The following MTUS2 variants were observed in gnomAD, a reference collection of about 807,000 sequenced individuals.
The protein encoded by MTUS2 is microtubule associated scaffold protein 2, also known as microtubule-associated tumor suppressor candidate 2.
A neutral mutation model predicts 114.1 loss-of-function variants in MTUS2; 40 were observed. The ratio of observed to expected loss-of-function variants is 0.35; its 90% CI spans 0.27 to 0.46. The LOEUF (loss-of-function observed/expected upper bound fraction) is 0.46. MTUS2 is among the 20% of genes least tolerant of loss of function. The pLI is 1.00. For missense variants in MTUS2, 1,679 were observed against 1,705.4 expected (o/e 0.98, Z 0.27); for synonymous variants, 688 against 672.0 (o/e 1.02, Z -0.37).
At chr13:29,299,049 A>C (rs1899075313) in intron 6 of MTUS2, among the ~76,000 whole-genome samples, 1 of 152,224 alleles carries the variant, frequency 6.6e-6, no homozygotes, top group African/African-American at 2.4e-5. Context: ...AGTTTGTAGG[A>C]GAATAGAAGC....
chr13:29,348,213 G>T (rs1408780388), intron 7 of MTUS2, among the ~76,000 whole-genome samples: 3 of 151,966 alleles, frequency 2.0e-5, no homozygotes, highest in Non-Finnish European at 2.9e-5. Flanking sequence ...AACTATCCAG[G>T]AGCCACCAAG....
chr13:29,041,236 T>C (rs548339057), intron 4 of MTUS2, among the ~76,000 whole-genome samples: 38 of 152,332 alleles, frequency 2.5e-4, no homozygotes, highest in Admixed American at 2.0e-3. Flanking sequence ...TTGTTTGCGT[T>C]ATTAAAGATC....
chr13:28,908,483 A>T (rs545433480), intron 2 of MTUS2, among the ~76,000 whole-genome samples: 3 of 151,570 alleles, frequency 2.0e-5, no homozygotes, highest in South Asian at 4.2e-4. Flanking sequence ...ATCATTTTTT[A>T]TGGCTGCATA....
At chr13:28,904,036 CT>C (rs1566211094) in intron 2 of MTUS2, among the ~76,000 whole-genome samples, 3 of 151,698 alleles carry the variant, frequency 2.0e-5, no homozygotes, top group African/African-American at 7.3e-5. Context: ...TTTTTCATGT[CT>C]TTTGGCTGCA....
intron 2 of MTUS2, among the ~76,000 whole-genome samples, chr13:28,968,046 T>C (rs966768397): frequency 1.3e-5 from 2 of 152,242 alleles, no homozygotes; most frequent in African/African-American, 2.4e-5. Flanking sequence ...TTCAGAGATA[T>C]ACCTGCTAAC....
rs749268070 is a variant in MTUS2 at position 29,034,064 on chromosome 13, C to T, written c.2385C>T (p.Ser795=). 1.8e-5 allele frequency: 29 copies of T among 1,613,834 alleles called. No homozygotes were observed. The highest frequency in any genetic ancestry group is 8.3e-5 in the Admixed American group (5 of 59,994). The stretch of plus-strand genomic sequence containing the variant: ...TTGCAAGTCAGAGGTCTTCAGCGAG[C>T]GCCATCCACCCACCAGGACCCATAA... ...ILIASQRSSA[S]AIHPPGPITT... is the part of the protein sequence containing the mutation. The change falls in exon 4 of 16, where the codon AGC becomes AGT. Residue 795 remains serine, a synonymous_variant. Transcript: ENST00000612955.
chr13:29,423,730 A>C (rs1240863573), intron 8 of MTUS2, among the ~76,000 whole-genome samples: 2 of 152,234 alleles, frequency 1.3e-5, no homozygotes, highest in Non-Finnish European at 2.9e-5. Flanking sequence ...AAAGATGATT[A>C]GGCATTTATC....
At chr13:28,877,546 T>C (rs897868708) in intron 2 of MTUS2, among the ~76,000 whole-genome samples, 3 of 152,162 alleles carry the variant, frequency 2.0e-5, no homozygotes, top group Non-Finnish European at 4.4e-5. Flanking sequence ...GAGAATGTCA[T>C]ATTATAGTCA....
At chr13:28,846,855 C>T (rs1875919022) in intron 2 of MTUS2, among the ~76,000 whole-genome samples, 1 of 152,188 alleles carries the variant, frequency 6.6e-6, no homozygotes, top group South Asian at 2.1e-4. Context: ...CATCCCTGTA[C>T]CTTGTATTAT....
intron 8 of MTUS2, among the ~76,000 whole-genome samples, chr13:29,365,510 T>TTTTGTGTGTGTGTGTGTGTGTGTG (rs1555269728): frequency 1.2e-4 from 18 of 146,942 alleles, no homozygotes; most frequent in African/African-American, 4.3e-4. Context: ...TTGTTTGGGT[T>TTTTGTGTGTGTGTGTGTGTGTGTG]TGTGTGTGTG....
At chr13:29,389,397 ATATATGTATACACGTGTGTG>A (rs1872962238) in intron 8 of MTUS2, among the ~76,000 whole-genome samples, 1 of 22,514 alleles carries the variant, frequency 4.4e-5, no homozygotes, top group African/African-American at 1.4e-4. Context: ...ACGTGTGTGT[ATATATGTATACACGTGTGTG>A]TGTATGTATA....
At chr13:29,345,696 A>T (rs4769726) in intron 7 of MTUS2, among the ~76,000 whole-genome samples, 1 of 151,816 alleles carries the variant, frequency 6.6e-6, no homozygotes, top group Admixed American at 6.6e-5. Flanking sequence ...TGCTAGTGAG[A>T]TAGTGTGATC....
At chr13:29,121,952 A>G (rs1307973391) in intron 5 of MTUS2, among the ~76,000 whole-genome samples, 2 of 151,854 alleles carry the variant, frequency 1.3e-5, no homozygotes, top group Non-Finnish European at 2.9e-5. Flanking sequence ...GAGCCACCAC[A>G]CCCGGCCCAC....
At chr13:29,433,745 T>C (rs925020397) in intron 8 of MTUS2, among the ~76,000 whole-genome samples, 4 of 152,228 alleles carry the variant, frequency 2.6e-5, no homozygotes, top group African/African-American at 7.2e-5. Context: ...CCTATGAAGA[T>C]GAAGTTCTAC....
At chr13:29,430,907 C>A (rs1200187918) in intron 8 of MTUS2, among the ~76,000 whole-genome samples, 1 of 152,188 alleles carries the variant, frequency 6.6e-6, no homozygotes, top group Non-Finnish European at 1.5e-5. Context: ...AATGTTGATA[C>A]ACAGTTTAAA....
rs541835019 is a variant in MTUS2 at position 28,962,132 on chromosome 13, A to AT, written c.-242-62320dup. On this transcript the variant is annotated intron_variant, in intron 2 of 15. Coordinates refer to ENST00000612955, the MANE Select transcript of MTUS2 (RefSeq NM_001033602.4). ...ATTTAAAAATATCTGAAAAATATAC[A>AT]TTTTTCAGATATTTTTAACAAATTG... Among the ~76,000 whole-genome samples the AT allele has an allele frequency of 2.0e-3, 305 of 151,734 alleles. 1 individual carries two copies. The highest frequency in any genetic ancestry group is 7.0e-3 in the African/African-American group (289 of 41,480).
At chr13:28,863,235 G>C (rs1877100765) in intron 2 of MTUS2, among the ~76,000 whole-genome samples, 2 of 152,174 alleles carry the variant, frequency 1.3e-5, no homozygotes. Flanking sequence ...TTCCTAAGCA[G>C]TTGGCTTCCA....
chr13:29,395,165 C>T (rs1873816255), intron 8 of MTUS2, among the ~76,000 whole-genome samples: 1 of 152,132 alleles, frequency 6.6e-6, no homozygotes, highest in African/African-American at 2.4e-5. Flanking sequence ...CTTATTGCTA[C>T]AAAGAGTCTG....
At chr13:29,476,492 G>GT (rs1880715503) in intron 9 of MTUS2, 1 of 152,062 alleles carries the variant, frequency 6.6e-6, no homozygotes, top group Non-Finnish European at 1.5e-5. Flanking sequence ...TGTTATGTTA[G>GT]TTTTTTAAAA....
Sources: gnomAD v4.1 joint callset for allele counts (sites outside exome capture counted in the v4.1 genomes callset) on GRCh38, gnomAD v4.1.1 for gene constraint, MANE v1.5 for transcripts, NCBI Gene and HGNC (gene_info 2026-07-23, HGNC 2026-07-21) for gene names.